Variants in TEX15 observed in about 807,000 individuals in gnomAD.
TEX15 encodes the protein testis-expressed protein 15.
A neutral mutation model predicts 237.3 loss-of-function variants in TEX15; 171 were observed. The ratio of observed to expected loss-of-function variants is 0.72; its 90% CI spans 0.64 to 0.82. The LOEUF (loss-of-function observed/expected upper bound fraction) is 0.82, where lower values mean the gene tolerates loss of function less well. Among genes scored for constraint, TEX15 ranks in the 40% least tolerant of loss-of-function variants. The pLI, the probability that TEX15 is intolerant of heterozygous loss-of-function variation, is 0.00. For synonymous variants in TEX15, 1,338 were observed against 1,269.8 expected (o/e 1.05, Z -1.14); for missense variants, 3,750 against 3,646.5 (o/e 1.03, Z -0.73).
chr8:30,887,430 G>A (rs937229994), intron 2 of TEX15, 119 bp from the exon 3 acceptor site: 13 of 977,578 alleles, frequency 1.3e-5, no homozygotes, highest in Non-Finnish European at 1.7e-5. Context: ...TTAGTCAACT[G>A]TCAGAAAGTT....
At chr8:30,907,446 T>C (rs1386380509) in intron 1 of TEX15, among the ~76,000 whole-genome samples, 1 of 148,090 alleles carries the variant, frequency 6.8e-6, no homozygotes, top group Non-Finnish European at 1.5e-5. Flanking sequence ...ATATATACAA[T>C]GTATATATAA....
At chr8:30,876,861 T>C (rs549289690) in intron 3 of TEX15, among the ~76,000 whole-genome samples, 7 of 152,284 alleles carry the variant, frequency 4.6e-5, no homozygotes, top group Admixed American at 6.5e-5. Flanking sequence ...TGGAAGGTAA[T>C]TGAATCATGG....
intron 2 of TEX15, among the ~76,000 whole-genome samples, chr8:30,893,098 C>G (rs1270234965): frequency 1.3e-5 from 2 of 151,740 alleles, no homozygotes; most frequent in African/African-American, 4.8e-5. Flanking sequence ...ATAACACTTA[C>G]CAGGTACCAG....
intron 1 of TEX15, among the ~76,000 whole-genome samples, chr8:30,904,124 C>T (rs1195882408): frequency 1.3e-5 from 2 of 152,116 alleles, no homozygotes; most frequent in African/African-American, 2.4e-5. Flanking sequence ...TTAATAACTA[C>T]AAGTCTTGGA....
chr8:30,836,608 G>A (rs148832452), intron 10 of TEX15, among the ~76,000 whole-genome samples, 195 bp downstream of exon 10: 1,691 of 151,956 alleles, frequency 0.011, 15 homozygotes, highest in Non-Finnish European at 0.017. Context: ...GATACTGACA[G>A]TTTTTTTTCT....
chr8:30,855,948 TTTC>T (rs1050059473), intron 7 of TEX15, among the ~76,000 whole-genome samples: 4 of 151,910 alleles, frequency 2.6e-5, no homozygotes, highest in Admixed American at 6.6e-5. Flanking sequence ...GGGCACAAAG[TTTC>T]TTCTTTTTTT....
Position 30,846,475 on chromosome 8 carries a change from G to A in TEX15, c.3692C>T (p.Pro1231Leu). 1 of 1,613,354 alleles carries A rather than the reference G, an allele frequency of 6.2e-7. No individual in the cohort carries two copies. Among genetic ancestry groups the A allele is most frequent in the Non-Finnish European group, 8.5e-7 (1 of 1,179,724 alleles). ...KVDNIRQESG[P>L]VSNSEISLSF... ...AAGGGAGATTTCAGAGTTACTCACT[G>A]GCCCTGATTCTTGCCTTATATTATC... is the stretch of plus-strand genomic sequence containing the variant. The change falls in exon 8 of 11, where the codon CCA (proline) becomes CTA (leucine). Residue 1231 changes from proline to leucine, a missense_variant. Transcript: ENST00000643185.
Position 30,836,968 on chromosome 8 carries a change from C to T in TEX15, c.9316G>A (p.Ala3106Thr), listed in dbSNP as rs1343800404. The change falls in exon 10 of 11, where the codon GCA becomes ACA. Residue 3106 changes from alanine to threonine, a missense_variant. Ala to Thr is a moderately conservative substitution (Grantham distance 58). Coordinates refer to ENST00000643185, the MANE Select transcript of TEX15 (RefSeq NM_001350162.2). ...YFTYFAGEPQANGFVPVNGYF... is the reference protein window; with the variant it reads ...YFTYFAGEPQTNGFVPVNGYF... ...CCATTCACTGGCACAAAGCCATTTG[C>T]TTGTGGCTCCCCCGCAAAATAAGTA... 6 of 1,614,000 alleles carry T rather than the reference C, an allele frequency of 3.7e-6. No individual in the cohort carries two copies. The African/African-American group carries it at 6.7e-5, about 18-fold the overall frequency.
rs570630133 is a variant in TEX15 at position 30,867,748 on chromosome 8, T to C, written c.303-246A>G. Among the ~76,000 whole-genome samples, 4 of 152,246 alleles carry C rather than the reference T, an allele frequency of 2.6e-5. No individual in the cohort carries two copies. The Middle Eastern group carries it at 0.01, about 388-fold the overall frequency. On this transcript the variant is annotated intron_variant, in intron 4 of 10. Coordinates refer to ENST00000643185, the MANE Select transcript of TEX15 (RefSeq NM_001350162.2). ...ATAACAGGGGCTAACATTTCTTAAATGCTGCTAATGTAACCAGTACAAGTC... is the reference window on the plus strand; with the variant it reads ...ATAACAGGGGCTAACATTTCTTAAACGCTGCTAATGTAACCAGTACAAGTC...
intron 3 of TEX15, among the ~76,000 whole-genome samples, chr8:30,878,859 T>C (rs1808459829): frequency 6.6e-6 from 1 of 152,204 alleles, no homozygotes; most frequent in African/African-American, 2.4e-5. Flanking sequence ...GCCAAATTGT[T>C]TTCTGGAGTG....
In TEX15 at chr8:30,909,417, C is replaced by G. The variant is rs562595007; in HGVS notation, c.-86+3462G>C. On this transcript the variant is annotated intron_variant, in intron 1 of 10. Transcript: ENST00000643185. ...AGACCCCCCCCCGCCCCCACTCCCC[C>G]CTCAGGAGCAGCTAGCTATCATTAT... 6.1e-5 allele frequency among the ~76,000 whole-genome samples: 9 copies of G among 148,740 alleles called. No individual in the cohort carries two copies. In the East Asian group the frequency reaches 1.8e-3, roughly 30 times the overall value.
At position 30,875,070 on chromosome 8, in the gene TEX15, C is replaced by T; in HGVS notation, c.169G>A (p.Glu57Lys). The change falls in exon 4 of 11, where the codon GAG becomes AAG. Residue 57 changes from glutamate to lysine, a missense_variant. Physicochemically the swap from Glu to Lys is moderately conservative, Grantham distance 56. Coordinates refer to ENST00000643185, the MANE Select transcript of TEX15 (RefSeq NM_001350162.2). ...AGAGTATCATGTATAAAACTATACT[C>T]TCTACTATTGGTGTAACAAGGTGAC... The part of the protein sequence containing the change: ...YLSPCYTNSR[E>K]YSFIHDTLNQ... 7.9e-7 allele frequency: 1 copy of T among 1,265,558 alleles called. No homozygotes were observed. The highest frequency in any genetic ancestry group is 3.0e-5 in the East Asian group (1 of 33,182). The allele number at this position is 1,265,558 out of a possible 1,614,324, so 78.4% of individuals were successfully genotyped here.
Position 30,847,969 on chromosome 8 carries a change from C to A in TEX15, c.2198G>T (p.Gly733Val), listed in dbSNP as rs1213249615. 1.2e-6 allele frequency: 2 copies of A among 1,613,920 alleles called. No homozygotes were observed. The highest frequency in any genetic ancestry group is 2.7e-5 in the African/African-American group (2 of 75,034). Residue 733 changes from glycine to valine, a missense_variant, in exon 8 of 11, where the codon GGT (glycine) becomes GTT (valine). By Grantham distance (109) the Gly-to-Val change is moderately radical. Coordinates refer to ENST00000643185, the MANE Select transcript of TEX15 (RefSeq NM_001350162.2). ...KHPQHSVEYE[G>V]NIHTSLAIAQ... Reference sequence around the variant, plus strand: ...AATGGCTAAACTTGTATGAATGTTACCCTCATACTCCACAGAGTGCTGAGG... The same window carrying A: ...AATGGCTAAACTTGTATGAATGTTAACCTCATACTCCACAGAGTGCTGAGG...
chr8:30,848,883 TGAA>T lies in TEX15; in HGVS notation c.1281_1283del (p.Ser428del). On this transcript the variant is annotated inframe_deletion, in exon 8 of 11. Transcript: ENST00000643185. Reference sequence around the variant, plus strand: ...TCAGTCTTGGGTCTTTGATGGATTTTGAAGTAGTGACTGTGCTTGAGCCAGTAT... The same window carrying T: ...TCAGTCTTGGGTCTTTGATGGATTTTGTAGTGACTGTGCTTGAGCCAGTAT... 1 of 1,614,212 alleles carries T rather than the reference TGAA, an allele frequency of 6.2e-7. No individual in the cohort carries two copies. The highest frequency in any genetic ancestry group is 1.1e-5 in the South Asian group (1 of 91,084).
In TEX15 at chr8:30,832,607, C is replaced by A. The variant is rs1807206856; in HGVS notation, c.*679G>T. 6.6e-5 allele frequency: 10 copies of A among 152,304 alleles called. No individual in the cohort carries two copies. The South Asian group carries it at 2.1e-3, about 32-fold the overall frequency. The allele number at this position is 152,304 out of a possible 1,614,324, so 9.4% of individuals were successfully genotyped here. A position where few individuals can be genotyped will look rare whatever the true frequency, so the allele number is the denominator to read the frequency against. On this transcript the variant is annotated 3_prime_UTR_variant, in exon 11 of 11. Coordinates refer to ENST00000643185, the MANE Select transcript of TEX15 (RefSeq NM_001350162.2). Reference sequence around the variant, plus strand: ...ACTGCATAAGCATAAACATTATTCTCTATTATTTGCTAGAAAATCATTAAA... The same window carrying A: ...ACTGCATAAGCATAAACATTATTCTATATTATTTGCTAGAAAATCATTAAA...
At chr8:30,890,108 T>C (rs893290875) in intron 2 of TEX15, among the ~76,000 whole-genome samples, 1 of 151,236 alleles carries the variant, frequency 6.6e-6, no homozygotes, top group Non-Finnish European at 1.5e-5. Context: ...ATATACCATG[T>C]ACTTCATAGT....
At chr8:30,878,602 G>T (rs1261628829) in intron 3 of TEX15, among the ~76,000 whole-genome samples, 1 of 152,024 alleles carries the variant, frequency 6.6e-6, no homozygotes, top group Non-Finnish European at 1.5e-5. Context: ...GGTCAGGCTG[G>T]TCTTGAACTC....
chr8:30,888,344 A>G (rs138131786), intron 2 of TEX15, among the ~76,000 whole-genome samples: 3 of 152,328 alleles, frequency 2.0e-5, no homozygotes, highest in African/African-American at 4.8e-5. Context: ...ATTGCTGACT[A>G]TTCCTACAGC....
At position 30,881,949 on chromosome 8, in the gene TEX15, G is replaced by A. The variant is rs80118942; in HGVS notation, c.136+5218C>T. On this transcript the variant is annotated intron_variant, in intron 3 of 10. Coordinates refer to ENST00000643185, the MANE Select transcript of TEX15 (RefSeq NM_001350162.2). The stretch of plus-strand genomic sequence containing the variant: ...TTCTTTTTCTGGTTTCTTAAAGGTT[G>A]GAAGCTTAAGATTATTGATCTGAAA... Among the ~76,000 whole-genome samples the A allele has an allele frequency of 7.4e-3, 1,121 of 152,036 alleles. 16 individuals carry two copies. Among genetic ancestry groups the A allele is most frequent in the African/African-American group, 0.025 (1,055 of 41,438 alleles).
Sources: gnomAD v4.1 joint callset for allele counts (sites outside exome capture counted in the v4.1 genomes callset) on GRCh38, gnomAD v4.1.1 for gene constraint, MANE v1.5 for transcripts, NCBI Gene and HGNC (gene_info 2026-07-23, HGNC 2026-07-21) for gene names.